TTC1: variants seen among roughly 807,000 people sequenced by gnomAD.
TTC1 encodes the protein tetratricopeptide repeat protein 1.
A neutral mutation model predicts 37.6 loss-of-function variants in TTC1; 31 were observed. The ratio of observed to expected loss-of-function variants is 0.82; its 90% CI spans 0.62 to 1.11. The LOEUF (loss-of-function observed/expected upper bound fraction) is 1.11, where lower values mean the gene tolerates loss of function less well. TTC1 is among the 50% of genes most tolerant of loss of function. TTC1 has a pLI of 0.00. For missense variants in TTC1, 351 were observed against 339.0 expected (o/e 1.04, Z -0.28); for synonymous variants, 127 against 122.4 (o/e 1.04, Z -0.25).
intron 2 of TTC1, among the ~76,000 whole-genome samples, chr5:160,025,442 ATGGG>A (rs1756784940): frequency 6.6e-6 from 1 of 152,236 alleles, no homozygotes; most frequent in South Asian, 2.1e-4. Flanking sequence ...GATTACAGGT[ATGGG>A]CTACCACACC....
intron 3 of TTC1, among the ~76,000 whole-genome samples, chr5:160,035,760 G>C (rs1447996852): frequency 6.6e-6 from 1 of 152,164 alleles, no homozygotes; most frequent in African/African-American, 2.4e-5. Context: ...TTAGAAATAA[G>C]TTGGTGGGGT....
chr5:160,054,374 G>C (rs1448812179), intron 7 of TTC1, among the ~76,000 whole-genome samples: 1 of 152,186 alleles, frequency 6.6e-6, no homozygotes, highest in Non-Finnish European at 1.5e-5. Context: ...AACATTTTGG[G>C]AGGCCAAGGT....
intron 2 of TTC1, among the ~76,000 whole-genome samples, chr5:160,013,611 T>C (rs1330552696): frequency 4.6e-5 from 7 of 151,738 alleles, no homozygotes; most frequent in Non-Finnish European, 7.4e-5. Flanking sequence ...GACGTGGTGG[T>C]GTGCGCCTGT....
rs1756980809 is a variant in TTC1, at chr5:160,035,177, G to A, written c.368G>A (p.Gly123Glu). ...GAGAGCACTAGACTAAAGGAGGAGG[G>A]AAATGAACAGTTTAAGAAAGGAGGT... Reference protein sequence around the residue: ...REESTRLKEEGNEQFKKGDYI... With the variant: ...REESTRLKEEENEQFKKGDYI... Residue 123 changes from glycine to glutamate, a missense_variant, in exon 3 of 8, where the codon GGA becomes GAA. Transcript: ENST00000231238. 6.2e-7 allele frequency: 1 copy of A among 1,606,278 alleles called. No individual in the cohort carries two copies. Among genetic ancestry groups the A allele is most frequent in the Non-Finnish European group, 8.5e-7 (1 of 1,177,140 alleles).
intron 2 of TTC1, among the ~76,000 whole-genome samples, chr5:160,032,212 T>A (rs1319424266): frequency 2.0e-5 from 3 of 152,180 alleles, no homozygotes; most frequent in Non-Finnish European, 4.4e-5. Flanking sequence ...TCATCTGTGT[T>A]CATAGAATAT....
intron 7 of TTC1, among the ~76,000 whole-genome samples, chr5:160,056,776 A>G (rs920709522): frequency 2.6e-5 from 4 of 152,130 alleles, no homozygotes; most frequent in African/African-American, 7.2e-5. Context: ...TTAAAGAGCT[A>G]TATATGGAGA....
At chr5:160,030,221 A>G (rs369495233) in intron 2 of TTC1, among the ~76,000 whole-genome samples, 4 of 152,198 alleles carry the variant, frequency 2.6e-5, no homozygotes, top group South Asian at 2.1e-4. Flanking sequence ...GTGTTAGAGA[A>G]TTAGGAGGAG....
chr5:160,030,643 G>T (rs771159421), intron 2 of TTC1, among the ~76,000 whole-genome samples: 6 of 152,128 alleles, frequency 3.9e-5, no homozygotes, highest in Non-Finnish European at 7.3e-5. Context: ...GGCTGTTTGG[G>T]GCTCTCCTTG....
At chr5:160,026,577 A>G (rs2113357576) in intron 2 of TTC1, among the ~76,000 whole-genome samples, 1 of 152,298 alleles carries the variant, frequency 6.6e-6, no homozygotes, top group Non-Finnish European at 1.5e-5. Context: ...GTCTCCAGTA[A>G]TGTATCTTGT....
chr5:160,026,687 T>C (rs1756812340), intron 2 of TTC1, among the ~76,000 whole-genome samples: 1 of 152,218 alleles, frequency 6.6e-6, no homozygotes, highest in African/African-American at 2.4e-5. Flanking sequence ...TATATGTCTT[T>C]GAATGTAAAG....
intron 7 of TTC1, among the ~76,000 whole-genome samples, chr5:160,059,026 G>C (rs1757626347): frequency 6.6e-6 from 1 of 152,104 alleles, no homozygotes; most frequent in Admixed American, 6.5e-5. Context: ...CATTCTTAAG[G>C]GCCCTAAGAT....
rs182352505 is a variant in TTC1, at chr5:160,026,155, G to A, written c.331-8985G>A. On this transcript the variant is annotated intron_variant, in intron 2 of 7. Coordinates refer to ENST00000231238, the MANE Select transcript of TTC1 (RefSeq NM_003314.3). ...ACATTCCACAGTGTTATAGAAGTAT[G>A]ACAACCTCAATTATTTAGCTCCTTC... Among the ~76,000 whole-genome samples the A allele has an allele frequency of 1.4e-4, 21 of 152,256 alleles. No homozygotes were observed. The East Asian group carries it at 4.0e-3, about 29-fold the overall frequency.
chr5:160,050,259 C>G (rs561317415), intron 6 of TTC1, among the ~76,000 whole-genome samples: 1 of 152,106 alleles, frequency 6.6e-6, no homozygotes, highest in Non-Finnish European at 1.5e-5. Context: ...ACCAGCCTGA[C>G]CAACATGGAG....
intron 2 of TTC1, among the ~76,000 whole-genome samples, chr5:160,015,135 G>A (rs536645009): frequency 1.8e-3 from 276 of 152,284 alleles, no homozygotes; most frequent in Middle Eastern, 0.014. Context: ...TTAGAGGGTT[G>A]GAACTTTTGG....
chr5:160,064,480 C>T (rs1472372714), intron 7 of TTC1, among the ~76,000 whole-genome samples: 1 of 152,224 alleles, frequency 6.6e-6, no homozygotes, highest in Non-Finnish European at 1.5e-5. Context: ...AGTTGAATTA[C>T]ATTTAGCAGG....
Position 160,028,066 on chromosome 5 carries a change from G to A in TTC1, c.331-7074G>A, listed in dbSNP as rs572411888. Among the ~76,000 whole-genome samples the A allele has an allele frequency of 1.2e-4, 19 of 152,198 alleles. No homozygotes were observed. The South Asian group carries it at 2.7e-3, about 22-fold the overall frequency. On this transcript the variant is annotated intron_variant, in intron 2 of 7. Transcript: ENST00000231238. ...TTTAATCCCAGCACTTTGAGGGGCC[G>A]AGGCGAGTGGATCACGAGGTCAGGA... is the stretch of plus-strand genomic sequence containing the variant.
At position 160,010,519 on chromosome 5, in the gene TTC1, A is replaced by T. The variant is rs1256413317; in HGVS notation, c.-10A>T. On this transcript the variant is annotated 5_prime_UTR_variant, in exon 2 of 8. Coordinates refer to ENST00000231238, the MANE Select transcript of TTC1 (RefSeq NM_003314.3). ...CCCCAGCTTTAGCGTCACCTCCCTC[A>T]CTGGGCAGCATGGGGGAGAAGTCAG... 6.2e-7 allele frequency: 1 copy of T among 1,607,146 alleles called. No homozygotes were observed. The highest frequency in any genetic ancestry group is 1.3e-5 in the African/African-American group (1 of 74,806).
chr5:160,052,548 CAAAAAAAAAAAAAAAAA>C (rs557157232), intron 7 of TTC1, among the ~76,000 whole-genome samples: 2 of 68,070 alleles, frequency 2.9e-5, no homozygotes, highest in Non-Finnish European at 5.2e-5. Flanking sequence ...TCTATTTTAG[CAAAAAAAAAAAAAAAAA>C]AAAAAAAAAC....
chr5:160,063,981 T>TTC (rs1003275482), intron 7 of TTC1, among the ~76,000 whole-genome samples: 1 of 148,838 alleles, frequency 6.7e-6, no homozygotes, highest in African/African-American at 2.5e-5. Context: ...TTTTTTTTTT[T>TTC]TTTTTGAGAC....
Sources: allele counts gnomAD v4.1 joint callset (sites outside exome capture counted in the v4.1 genomes callset), GRCh38; gene constraint gnomAD v4.1.1; transcripts MANE v1.5; gene names NCBI Gene and HGNC (gene_info 2026-07-23, HGNC 2026-07-21).